The following CKLF variants were observed in gnomAD, a reference collection of about 807,000 sequenced individuals.
The protein encoded by CKLF is chemokine-like factor.
A neutral mutation model predicts 12.9 loss-of-function variants in CKLF; 16 were observed. That is an observed-to-expected ratio of 1.24 (90% CI 0.84 to 1.88). The LOEUF is 1.88. Ranked by LOEUF, CKLF falls within the 40% of genes most tolerant of loss-of-function variation. The probability of loss-of-function intolerance (pLI) is 0.00; values close to 1 mark genes in which losing one functional copy is unlikely to be tolerated. For synonymous variants in CKLF, 61 were observed against 69.0 expected, an observed-to-expected ratio of 0.88 and a Z score of 0.57; for missense variants, 172 against 188.5, an observed-to-expected ratio of 0.91 and a Z score of 0.51.
intron 2 of CKLF, among the ~76,000 whole-genome samples, chr16:66,559,127 G>A (rs951547060): frequency 1.7e-4 from 26 of 152,108 alleles, no homozygotes; most frequent in African/African-American, 6.0e-4. Context: ...TCTCCTCTTT[G>A]GCTGGACTGA....
intron 2 of CKLF, among the ~76,000 whole-genome samples, chr16:66,562,361 C>T (rs992644600): frequency 6.6e-6 from 1 of 152,148 alleles, no homozygotes; most frequent in Non-Finnish European, 1.5e-5. Context: ...GCATTAATTG[C>T]ATTTAGTAAC....
Position 66,552,623 on chromosome 16 carries a change from C to T in CKLF, c.-93C>T, listed in dbSNP as rs1488844507. The T allele has an allele frequency of 1.2e-5, 19 of 1,591,742 alleles. No homozygotes were observed. The highest frequency in any genetic ancestry group is 3.3e-5 in the South Asian group (3 of 90,034). ...GAAGTAGGGGAGGGCGGTGCTCCGCCGCGGTGGCGGTTGCTATCGCTTCGC... is the reference window on the plus strand; with the variant it reads ...GAAGTAGGGGAGGGCGGTGCTCCGCTGCGGTGGCGGTTGCTATCGCTTCGC... On this transcript the variant is annotated 5_prime_UTR_variant, in exon 1 of 4. Coordinates refer to ENST00000264001, the MANE Select transcript of CKLF (RefSeq NM_016951.4).
At chr16:66,565,655 T>G (rs2012199306) in intron 3 of CKLF, 2 of 537,734 alleles carry the variant, frequency 3.7e-6, no homozygotes, top group East Asian at 6.2e-5. Flanking sequence ...ATTATTTTTC[T>G]GCTCACTTAA....
rs199961678 is a variant in CKLF at position 66,558,247 on chromosome 16, A to G, written c.136A>G (p.Ile46Val). Reference protein sequence around the residue: ...FIIAQAPEPYIVITGFEVTVI... With the variant: ...FIIAQAPEPYVVITGFEVTVI... Reference sequence around the variant, plus strand: ...CATCGCACAAGCCCCTGAACCATATATTGTTATCACTGGATTTGAAGTCAC... The same window carrying G: ...CATCGCACAAGCCCCTGAACCATATGTTGTTATCACTGGATTTGAAGTCAC... The change falls in exon 2 of 4, where the codon ATT becomes GTT. Residue 46 changes from isoleucine to valine, a missense_variant. By Grantham distance (29) the Ile-to-Val change is conservative. Transcript: ENST00000264001. The G allele has an allele frequency of 4.1e-5, 66 of 1,613,914 alleles. No individual in the cohort carries two copies. The Admixed American group carries it at 4.8e-4, about 12-fold the overall frequency.
At chr16:66,560,671 C>T (rs550145659) in intron 2 of CKLF, among the ~76,000 whole-genome samples, 3 of 151,944 alleles carry the variant, frequency 2.0e-5, no homozygotes, top group South Asian at 2.1e-4. Context: ...AACTGGGAAA[C>T]GCCAACATAT....
At chr16:66,564,026 A>G (rs1018080315) in intron 3 of CKLF, among the ~76,000 whole-genome samples, 1 of 152,242 alleles carries the variant, frequency 6.6e-6, no homozygotes, top group Non-Finnish European at 1.5e-5. Context: ...GCCCTGAGCA[A>G]CTTCATGAGG....
rs748418833 is a variant in CKLF, at chr16:66,552,762, G to T, written c.47G>T (p.Ser16Ile). Residue 16 changes from serine to isoleucine, a missense_variant, in exon 1 of 4, where the codon AGT (serine) becomes ATT (isoleucine). Coordinates refer to ENST00000264001, the MANE Select transcript of CKLF (RefSeq NM_016951.4). ...ATAAAACATCGCCCCTTCTGCTTCA[G>T]TGTGAAAGGCCACGTGAAGATGCTG... ...PKIKHRPFCF[S>I]VKGHVKMLRL... 13 of 1,614,026 alleles carry T rather than the reference G, an allele frequency of 8.1e-6. No individual in the cohort carries two copies. The highest frequency in any genetic ancestry group is 1.3e-5 in the African/African-American group (1 of 74,950).
intron 3 of CKLF, among the ~76,000 whole-genome samples, chr16:66,565,047 C>T (rs374684571): frequency 4.6e-5 from 7 of 152,064 alleles, no homozygotes. Flanking sequence ...GGAAAAGGTT[C>T]CAGGTAGAGG....
At chr16:66,562,601 C>G (rs1197086256) in intron 2 of CKLF, among the ~76,000 whole-genome samples, 1 of 152,192 alleles carries the variant, frequency 6.6e-6, no homozygotes, top group Non-Finnish European at 1.5e-5. Context: ...AAGAAAACCA[C>G]TAGGTGTCAT....
At chr16:66,564,543 T>A (rs976912891) in intron 3 of CKLF, among the ~76,000 whole-genome samples, 3 of 151,582 alleles carry the variant, frequency 2.0e-5, no homozygotes, top group Non-Finnish European at 2.9e-5. Flanking sequence ...CTATCTCAGC[T>A]CACTGCAAGC....
At chr16:66,563,397 G>A (rs1261322874) in intron 3 of CKLF, among the ~76,000 whole-genome samples, 180 bp downstream of exon 3, 8 of 152,160 alleles carry the variant, frequency 5.3e-5, no homozygotes, top group Non-Finnish European at 2.9e-5. Flanking sequence ...TAACATGAAG[G>A]AGTATGATTT....
intron 2 of CKLF, among the ~76,000 whole-genome samples, chr16:66,560,565 T>C (rs2011636590): frequency 6.6e-6 from 1 of 152,084 alleles, no homozygotes; most frequent in Non-Finnish European, 1.5e-5. Context: ...TAAGAGGAGC[T>C]AGAGCTGCCG....
chr16:66,563,367 C>T, intron 3 of CKLF, 150 bp downstream of exon 3: 1 of 899,218 alleles, frequency 1.1e-6, no homozygotes, highest in Non-Finnish European at 1.7e-6. Context: ...ATATTTTTGT[C>T]TGTGAATGCT....
chr16:66,562,162 G>GCAAT (rs1028594339), intron 2 of CKLF, among the ~76,000 whole-genome samples: 11 of 151,612 alleles, frequency 7.3e-5, no homozygotes, highest in African/African-American at 2.4e-4. Flanking sequence ...TTGGCTCACT[G>GCAAT]CAATCTCCGT....
intron 1 of CKLF, among the ~76,000 whole-genome samples, chr16:66,554,304 G>A (rs937620683): frequency 6.6e-6 from 1 of 152,200 alleles, no homozygotes; most frequent in Non-Finnish European, 1.5e-5. Context: ...GAAGCGAGGC[G>A]TCTAACCAAG....
chr16:66,563,635 C>T (rs1266675492), intron 3 of CKLF, among the ~76,000 whole-genome samples: 1 of 152,146 alleles, frequency 6.6e-6, no homozygotes, highest in African/African-American at 2.4e-5. Flanking sequence ...GTTTTGAGCT[C>T]AGTTATTTCT....
chr16:66,558,049 C>A (rs2011517093), intron 1 of CKLF, 141 bp from the exon 2 acceptor site: 2 of 1,259,564 alleles, frequency 1.6e-6, no homozygotes, highest in Non-Finnish European at 2.2e-6. Context: ...TTCAAGCGAT[C>A]CTCCTACCTC....
In CKLF at chr16:66,564,469, CTTTTTTT is replaced by C. The variant is rs552824877; in HGVS notation, c.333+1260_333+1266del. 4.2e-3 allele frequency among the ~76,000 whole-genome samples: 593 copies of C among 142,696 alleles called. 3 individuals carry two copies. The highest frequency in any genetic ancestry group is 0.011 in the Middle Eastern group (3 of 272). The allele number at this position is 142,696 out of a possible 152,430, so 93.6% of individuals were successfully genotyped here. A position where few individuals can be genotyped will look rare whatever the true frequency, so the allele number is the denominator to read the frequency against. ...ATTAAAATCTATGACTTATTTTTTT[CTTTTTTT>C]TTTTTTTCTGAGACAGAGTCTGTCT... On this transcript the variant is annotated intron_variant, in intron 3 of 3. Coordinates refer to ENST00000264001, the MANE Select transcript of CKLF (RefSeq NM_016951.4).
intron 3 of CKLF, among the ~76,000 whole-genome samples, chr16:66,564,596 A>G (rs200606291): frequency 4.0e-5 from 6 of 151,464 alleles, no homozygotes; most frequent in African/African-American, 1.5e-4. Flanking sequence ...TCAGCCTCCC[A>G]AGTAGCTGGG....
Sources: allele counts gnomAD v4.1 joint callset (sites outside exome capture counted in the v4.1 genomes callset), GRCh38; gene constraint gnomAD v4.1.1; transcripts MANE v1.5; gene names NCBI Gene and HGNC (gene_info 2026-07-23, HGNC 2026-07-21).